Variants in GPHN observed in about 807,000 individuals in gnomAD.
The protein encoded by GPHN is gephyrin.
GPHN carries 17 observed loss-of-function variants against 95.5 expected under a neutral mutation model. The observed-to-expected ratio is 0.18, with a 90% CI of 0.12 to 0.27. The LOEUF is 0.27. Among genes scored for constraint, GPHN ranks in the 10% least tolerant of loss-of-function variants. The pLI is 1.00. For missense variants in GPHN, 660 were observed against 978.1 expected, an observed-to-expected ratio of 0.67 and a Z score of 4.34; for synonymous variants, 320 against 322.5, an observed-to-expected ratio of 0.99 and a Z score of 0.08.
chr14:67,258,029 G>GT, the GPHN span, among the ~76,000 whole-genome samples: 1 of 151,816 alleles, frequency 6.6e-6, no homozygotes, highest in Admixed American at 6.6e-5. Flanking sequence ...CTCCTCTTGA[G>GT]TTATTAAATG....
At chr14:66,648,206 C>T (rs960849625) in intron 1 of GPHN, among the ~76,000 whole-genome samples, 2 of 151,836 alleles carry the variant, frequency 1.3e-5, no homozygotes, top group Admixed American at 6.6e-5. Flanking sequence ...TAAAAAGACA[C>T]GTATTCAGGA....
the GPHN span, chr14:67,724,636 C>T: frequency 8.1e-6 from 11 of 1,362,138 alleles, no homozygotes; most frequent in South Asian, 1.2e-5. Flanking sequence ...GCCTCCCACC[C>T]TTCTTCCCAC....
the GPHN span, among the ~76,000 whole-genome samples, chr14:67,218,010 G>A: frequency 5.3e-5 from 8 of 152,274 alleles, no homozygotes; most frequent in African/African-American, 1.9e-4. Flanking sequence ...CTAAGTGGAT[G>A]CAACAGTGTA....
chr14:67,143,592 C>A, intron 18 of GPHN, 143 bp downstream of exon 18: 1 of 718,338 alleles, frequency 1.4e-6, no homozygotes, highest in East Asian at 2.5e-5. Context: ...AATTACTGGT[C>A]TCTTTAAAAG....
chr14:67,308,721 G>T, the GPHN span, among the ~76,000 whole-genome samples: 1 of 151,764 alleles, frequency 6.6e-6, no homozygotes, highest in Non-Finnish European at 1.5e-5. Flanking sequence ...ACCATCTACT[G>T]TGCCACCAGC....
intron 1 of GPHN, among the ~76,000 whole-genome samples, chr14:66,587,317 T>C (rs139365474): frequency 6.6e-6 from 1 of 152,314 alleles, no homozygotes; most frequent in East Asian, 1.9e-4. Flanking sequence ...GAAGAAGTAA[T>C]ACCAATGCTT....
intron 8 of GPHN, among the ~76,000 whole-genome samples, chr14:66,957,510 G>C (rs1356032113): frequency 6.6e-6 from 1 of 151,854 alleles, no homozygotes; most frequent in Non-Finnish European, 1.5e-5. Context: ...ATTTCTTTCT[G>C]TTACTGATTT....
chr14:66,651,826 TCC>T (rs368686249), intron 1 of GPHN, among the ~76,000 whole-genome samples: 37 of 150,488 alleles, frequency 2.5e-4, no homozygotes, highest in African/African-American at 8.5e-4. Flanking sequence ...CGTCACTATC[TCC>T]CATCACCCCG....
chr14:67,256,468 C>T, the GPHN span, among the ~76,000 whole-genome samples: 1 of 152,234 alleles, frequency 6.6e-6, no homozygotes, highest in East Asian at 1.9e-4. Context: ...TTATTTAATA[C>T]AATAAAGGTA....
chr14:67,329,646 C>T, the GPHN span, among the ~76,000 whole-genome samples: 20 of 151,792 alleles, frequency 1.3e-4, no homozygotes, highest in East Asian at 3.9e-4. Context: ...TTTTGAGATA[C>T]GGCGGACGCA....
chr14:66,966,261 T>C (rs1329437464), intron 9 of GPHN, among the ~76,000 whole-genome samples: 3 of 152,156 alleles, frequency 2.0e-5, no homozygotes, highest in Non-Finnish European at 4.4e-5. Context: ...TTTGTGAATG[T>C]TATAATTTAA....
chr14:66,969,134 A>G (rs1366147801), intron 9 of GPHN: 2 of 152,142 alleles, frequency 1.3e-5, no homozygotes, highest in Non-Finnish European at 2.9e-5. Flanking sequence ...TGCTGAAATT[A>G]TATCGTATAT....
chr14:66,619,515 C>G (rs1566713196), intron 1 of GPHN, among the ~76,000 whole-genome samples: 1 of 145,952 alleles, frequency 6.9e-6, no homozygotes, highest in Non-Finnish European at 1.5e-5. Flanking sequence ...ATATGTATAT[C>G]TTTTTTTTGG....
chr14:66,866,038 A>C (rs551799971), intron 4 of GPHN, among the ~76,000 whole-genome samples: 1 of 152,090 alleles, frequency 6.6e-6, no homozygotes, highest in Non-Finnish European at 1.5e-5. Context: ...CCAGGTAATT[A>C]AGTGTGGTTG....
chr14:66,981,335 A>G (rs944052834), intron 9 of GPHN, among the ~76,000 whole-genome samples: 2 of 152,166 alleles, frequency 1.3e-5, no homozygotes, highest in African/African-American at 4.8e-5. Flanking sequence ...AAAATGTTCT[A>G]TGATGAGGCA....
At chr14:67,649,487 G>T in the GPHN span, 1 of 152,072 alleles carries the variant, frequency 6.6e-6, no homozygotes, top group Non-Finnish European at 1.5e-5. Context: ...TTATAGGGTG[G>T]CAATAGTCTG....
intron 8 of GPHN, among the ~76,000 whole-genome samples, chr14:66,936,390 A>G (rs1196291796): frequency 1.3e-5 from 2 of 152,076 alleles, no homozygotes; most frequent in Non-Finnish European, 2.9e-5. Context: ...AAAAAAAGAA[A>G]GAGAAAGAAA....
At chr14:67,193,552 T>G in the GPHN span, among the ~76,000 whole-genome samples, 1 of 144,482 alleles carries the variant, frequency 6.9e-6, no homozygotes, top group African/African-American at 2.5e-5. Context: ...TATATCTATA[T>G]ATAGATCTAT....
chr14:67,477,262 C>T, the GPHN span, among the ~76,000 whole-genome samples: 2 of 152,178 alleles, frequency 1.3e-5, no homozygotes, highest in Admixed American at 6.5e-5. Flanking sequence ...GACCTTGCCC[C>T]GATTGACATC....
Sources: gnomAD v4.1 joint callset for allele counts (sites outside exome capture counted in the v4.1 genomes callset) on GRCh38, gnomAD v4.1.1 for gene constraint, MANE v1.5 for transcripts, NCBI Gene and HGNC (gene_info 2026-07-23, HGNC 2026-07-21) for gene names.